STMN4: variants seen among roughly 807,000 people sequenced by gnomAD.
STMN4 encodes stathmin-4.
Under a neutral mutation model 29.1 loss-of-function variants are expected in STMN4, and 12 were observed. The observed-to-expected ratio is 0.41, with a 90% CI of 0.26 to 0.67. The LOEUF (loss-of-function observed/expected upper bound fraction) is 0.67. STMN4 is among the 30% of genes least tolerant of loss of function. The pLI, the probability that STMN4 is intolerant of heterozygous loss-of-function variation, is 0.30. For missense variants in STMN4, 181 were observed against 262.8 expected (o/e 0.69, Z 2.15); for synonymous variants, 114 against 105.3 (o/e 1.08, Z -0.51).
intron 6 of STMN4, among the ~76,000 whole-genome samples, chr8:27,237,236 T>C (rs375237574): frequency 6.6e-6 from 1 of 152,128 alleles, no homozygotes; most frequent in East Asian, 1.9e-4. Flanking sequence ...TGGCTTGACT[T>C]AATATAAGGA....
rs1396641851 is a variant in STMN4, at chr8:27,236,072, A to C, written c.*774T>G. ...CTCATCAATTTAGTGCATGCTATCC[A>C]ATAAAGATTAGCCCACAGAGGGGAT... On this transcript the variant is annotated 3_prime_UTR_variant, in exon 7 of 7. Coordinates refer to ENST00000350889, the MANE Select transcript of STMN4 (RefSeq NM_030795.4). 1 of 152,194 alleles carries C rather than the reference A, an allele frequency of 6.6e-6. No individual in the cohort carries two copies. The highest frequency in any genetic ancestry group is 1.5e-5 in the Non-Finnish European group (1 of 68,040). The allele number at this position is 152,194 out of a possible 1,614,324, so 9.4% of individuals were successfully genotyped here. A position where few individuals can be genotyped will look rare whatever the true frequency, so the allele number is the denominator to read the frequency against.
intron 1 of STMN4, among the ~76,000 whole-genome samples, chr8:27,245,726 A>C (rs1451991380): frequency 6.6e-6 from 1 of 152,250 alleles, no homozygotes; most frequent in African/African-American, 2.4e-5. Context: ...AAGGATCAGA[A>C]GTGGAAGCCT....
At chr8:27,250,130 A>C (rs1031570691) in intron 1 of STMN4, among the ~76,000 whole-genome samples, 2 of 152,144 alleles carry the variant, frequency 1.3e-5, no homozygotes, top group Admixed American at 6.6e-5. Context: ...CCTATTGCCA[A>C]TCTTCTTCAA....
At chr8:27,241,931 G>A (rs1047766900) in intron 3 of STMN4, among the ~76,000 whole-genome samples, 174 bp from the exon 4 acceptor site, 2 of 152,136 alleles carry the variant, frequency 1.3e-5, no homozygotes, top group Admixed American at 6.5e-5. Context: ...GGGCTGTCCC[G>A]GCTACAGGCC....
intron 6 of STMN4, among the ~76,000 whole-genome samples, chr8:27,237,518 G>C (rs572359282): frequency 6.6e-6 from 1 of 152,154 alleles, no homozygotes; most frequent in Non-Finnish European, 1.5e-5. Flanking sequence ...GTCTCCCAAC[G>C]TGCTGGGATT....
chr8:27,252,820 T>C (rs1376497471), intron 1 of STMN4, among the ~76,000 whole-genome samples: 1 of 152,216 alleles, frequency 6.6e-6, no homozygotes, highest in Non-Finnish European at 1.5e-5. Flanking sequence ...CAATGGATGA[T>C]TGCTGATGGC....
chr8:27,239,235 A>G, intron 6 of STMN4: 2 of 1,535,590 alleles, frequency 1.3e-6, no homozygotes. Context: ...CCATGGGACG[A>G]GGCCACCGAT....
At chr8:27,246,823 C>T (rs1396520304) in intron 1 of STMN4, among the ~76,000 whole-genome samples, 2 of 152,172 alleles carry the variant, frequency 1.3e-5, no homozygotes, top group East Asian at 3.8e-4. Context: ...GAACTTCCAG[C>T]CTCCCGGTTA....
chr8:27,257,181 A>G (rs887853382), intron 1 of STMN4, among the ~76,000 whole-genome samples: 3 of 152,170 alleles, frequency 2.0e-5, no homozygotes, highest in African/African-American at 7.2e-5. Flanking sequence ...CTGCTCCAGC[A>G]CTATGATTAT....
rs1201885091 is a variant in STMN4 at position 27,242,464 on chromosome 8, C to T, written c.42G>A (p.Pro14=). ...AAYKEKMKEL[P]LVSLFCSCFL... is the part of the protein sequence containing the mutation. ...AGCAGGAGCAGAACAAGGACACCAGCGGGAGCTCCTTCATCTTCTCTTTGT... is the reference window on the plus strand; with the variant it reads ...AGCAGGAGCAGAACAAGGACACCAGTGGGAGCTCCTTCATCTTCTCTTTGT... Residue 14 remains proline (P), a synonymous_variant, in exon 3 of 7, where the codon CCG becomes CCA. Coordinates refer to ENST00000350889, the MANE Select transcript of STMN4 (RefSeq NM_030795.4). 3 of 1,614,048 alleles carry T rather than the reference C, an allele frequency of 1.9e-6. No homozygotes were observed. Among genetic ancestry groups the T allele is most frequent in the African/African-American group, 1.3e-5 (1 of 74,912 alleles).
intron 3 of STMN4, chr8:27,242,095 A>G (rs1801491505): frequency 1.8e-6 from 1 of 559,418 alleles, no homozygotes; most frequent in Non-Finnish European, 3.2e-6. Flanking sequence ...CAGGTAGAAT[A>G]TCTGTCTGGC....
intron 6 of STMN4, 105 bp from the exon 7 acceptor site, chr8:27,237,010 G>T: frequency 8.2e-7 from 1 of 1,225,262 alleles, no homozygotes; most frequent in Non-Finnish European, 1.1e-6. Flanking sequence ...GCCACCACAG[G>T]CAGCGAAGAG....
chr8:27,247,877 T>TC (rs1285805503), intron 1 of STMN4, among the ~76,000 whole-genome samples: 2 of 152,152 alleles, frequency 1.3e-5, no homozygotes, highest in African/African-American at 4.8e-5. Flanking sequence ...GAAGCAAACC[T>TC]CCATCCCCAT....
In STMN4 at chr8:27,240,031, T is replaced by G; in HGVS notation, c.531A>C (p.Glu177Asp). 6.2e-7 allele frequency: 1 copy of G among 1,614,208 alleles called. No individual in the cohort carries two copies. The highest frequency in any genetic ancestry group is 8.5e-7 in the Non-Finnish European group (1 of 1,180,024). The change falls in exon 6 of 7, where the codon GAA becomes GAC. Residue 177 changes from glutamate (E) to aspartate (D), a missense_variant. Physicochemically the swap from Glu to Asp is conservative, Grantham distance 45. Coordinates refer to ENST00000350889, the MANE Select transcript of STMN4 (RefSeq NM_030795.4). Reference sequence around the variant, plus strand: ...GGGCCTCCCTGTTCTCCTTGTTGGATTCCATCTTCTGGGCCAGTTTTTCCT... The same window carrying G: ...GGGCCTCCCTGTTCTCCTTGTTGGAGTCCATCTTCTGGGCCAGTTTTTCCT... ...MAKEKLAQKMESNKENREAHL... is the reference protein window; with the variant it reads ...MAKEKLAQKMDSNKENREAHL...
chr8:27,239,397 G>T, intron 6 of STMN4: 1 of 1,195,640 alleles, frequency 8.4e-7, no homozygotes, highest in Non-Finnish European at 1.2e-6. Flanking sequence ...GTATTCTGCT[G>T]ACACACAGAA....
intron 1 of STMN4, among the ~76,000 whole-genome samples, chr8:27,253,789 GT>G (rs34189435): frequency 0.86 from 125,995 of 147,056 alleles, 56,375 homozygotes; most frequent in Non-Finnish European, 0.98. Flanking sequence ...GAAAGGAATT[GT>G]TTTTTTTTTT....
At position 27,235,664 on chromosome 8, in the gene STMN4, C is replaced by T. The variant is rs532321828; in HGVS notation, c.*1182G>A. 2.0e-5 allele frequency: 3 copies of T among 152,270 alleles called. No homozygotes were observed. Among genetic ancestry groups the T allele is most frequent in the African/African-American group, 7.2e-5 (3 of 41,540 alleles). The allele number at this position is 152,270 out of a possible 1,614,324, so 9.4% of individuals were successfully genotyped here. ...CAATATACAGGTTGAATCCTAATCC[C>T]GACACTACAGAATTAAGAGATAGGG... is the stretch of plus-strand genomic sequence containing the variant. On this transcript the variant is annotated 3_prime_UTR_variant, in exon 7 of 7. Coordinates refer to ENST00000350889, the MANE Select transcript of STMN4 (RefSeq NM_030795.4).
At chr8:27,246,724 C>A (rs966718103) in intron 1 of STMN4, among the ~76,000 whole-genome samples, 6 of 152,140 alleles carry the variant, frequency 3.9e-5, no homozygotes, top group African/African-American at 1.2e-4. Flanking sequence ...AGCCAAGGAA[C>A]CTTTGGGGCC....
intron 4 of STMN4, 99 bp downstream of exon 4, chr8:27,241,578 C>T (rs995926036): frequency 2.8e-5 from 40 of 1,408,728 alleles, no homozygotes; most frequent in Non-Finnish European, 2.0e-5. Context: ...ATTTGTCGTC[C>T]GTGGTGACAG....
Sources: allele counts gnomAD v4.1 joint callset (sites outside exome capture counted in the v4.1 genomes callset), GRCh38; gene constraint gnomAD v4.1.1; transcripts MANE v1.5; gene names NCBI Gene and HGNC (gene_info 2026-07-23, HGNC 2026-07-21).